Variants in PSMG1 observed in about 807,000 individuals in gnomAD.
The protein encoded by PSMG1 is proteasome assembly chaperone 1.
A neutral mutation model predicts 37.2 loss-of-function variants in PSMG1; 23 were observed. That is an observed-to-expected ratio of 0.62 (90% confidence interval 0.44 to 0.88). The LOEUF (loss-of-function observed/expected upper bound fraction) is 0.88. PSMG1 is among the 40% of genes least tolerant of loss of function. PSMG1 has a pLI of 0.00. For missense variants in PSMG1, 340 were observed against 344.2 expected, an observed-to-expected ratio of 0.99 and a Z score of 0.10; for synonymous variants, 127 against 128.0, an observed-to-expected ratio of 0.99 and a Z score of 0.05.
chr21:39,179,819 G>A, intron 4 of PSMG1, 105 bp downstream of exon 4: 1 of 963,486 alleles, frequency 1.0e-6, no homozygotes, highest in Non-Finnish European at 1.5e-6. Context: ...ATATTTTAAA[G>A]AAATAAATAT....
Position 39,175,553 on chromosome 21 carries a change from T to C in PSMG1, c.*37A>G, listed in dbSNP as rs1364735728. The C allele has an allele frequency of 8.3e-6, 13 of 1,573,184 alleles. No individual in the cohort carries two copies. Among genetic ancestry groups the C allele is most frequent in the African/African-American group, 1.4e-5 (1 of 73,492 alleles). On this transcript the variant is annotated 3_prime_UTR_variant, in exon 7 of 7. Transcript: ENST00000331573. The stretch of plus-strand genomic sequence containing the variant: ...GTGCAGGCTGCTCCCCTTAAAGGAA[T>C]GGACAAGTAATATACACTACAAAAC...
In PSMG1 at chr21:39,178,497, A is replaced by G. The variant is rs773155392; in HGVS notation, c.607T>C (p.Cys203Arg). ...ATATTCGGTTGTTCTAGCAATGGAC[A>G]ACACGCCGAGTCTTTGAAATTCTGT... ...KTQNFKDSAC[C>R]PLLEQPNIVH... The change falls in exon 5 of 7, where the codon TGT becomes CGT. Residue 203 changes from cysteine to arginine, a missense_variant. Transcript: ENST00000331573. 3 of 1,614,028 alleles carry G rather than the reference A, an allele frequency of 1.9e-6. No homozygotes were observed. The African/African-American group carries it at 4.0e-5, about 22-fold the overall frequency.
intron 3 of PSMG1, 120 bp downstream of exon 3, chr21:39,180,165 C>T (rs1253378205): frequency 2.3e-6 from 3 of 1,306,502 alleles, no homozygotes; most frequent in Non-Finnish European, 3.1e-6. Context: ...TGATTAGTAT[C>T]AGAAAAAGTG....
chr21:39,183,146 G>T (rs2030926965), intron 1 of PSMG1, 106 bp downstream of exon 1: 1 of 1,339,146 alleles, frequency 7.5e-7, no homozygotes, highest in Non-Finnish European at 9.7e-7. Flanking sequence ...AACCGCGGGG[G>T]CCACTCGGAA....
intron 2 of PSMG1, 47 bp from the exon 3 acceptor site, chr21:39,180,483 T>C (rs376781541): frequency 6.7e-7 from 1 of 1,494,504 alleles, no homozygotes; most frequent in Non-Finnish European, 8.9e-7. Flanking sequence ...CTGCAAGCTA[T>C]ATTTTCTATT....
At chr21:39,180,459 G>T in intron 2 of PSMG1, 23 bp from the exon 3 acceptor site, 1 of 1,555,864 alleles carries the variant, frequency 6.4e-7, no homozygotes, top group South Asian at 1.2e-5. Flanking sequence ...ATTCACATAA[G>T]TTAGTGTTTG....
chr21:39,177,384 T>A (rs73355902), intron 6 of PSMG1, 51 bp downstream of exon 6: 6 of 1,458,724 alleles, frequency 4.1e-6, no homozygotes, highest in Non-Finnish European at 5.5e-6. Context: ...TGTTTGTTAC[T>A]AAGCTGATTA....
rs3171465 is a variant in PSMG1 at position 39,180,381 on chromosome 21, A to G, written c.297T>C (p.Ala99=). The G allele has an allele frequency of 0.45, 728,557 of 1,605,890 alleles. 167,376 individuals carry two copies. The highest frequency in any genetic ancestry group is 0.56 in the Admixed American group (33,128 of 58,940). ...TTCTACACCATTCATTCCAGAGTTT[A>G]GCACAACCAACTTCCTCCCAGACTC... ...NSGVWEEVGC[A]KLWNEWCRTT... Residue 99 remains alanine (A), a synonymous_variant, in exon 3 of 7, where the codon GCT becomes GCC. Transcript: ENST00000331573.
Position 39,175,555 on chromosome 21 carries a change from G to T in PSMG1, c.*35C>A. ...GCAGGCTGCTCCCCTTAAAGGAATG[G>T]ACAAGTAATATACACTACAAAACAA... On this transcript the variant is annotated 3_prime_UTR_variant, in exon 7 of 7. Transcript: ENST00000331573. 1 of 1,574,916 alleles carries T rather than the reference G, an allele frequency of 6.3e-7. No individual in the cohort carries two copies. The highest frequency in any genetic ancestry group is 1.1e-5 in the South Asian group (1 of 88,246).
chr21:39,178,796 C>G, intron 4 of PSMG1, 149 bp from the exon 5 acceptor site: 1 of 729,512 alleles, frequency 1.4e-6, no homozygotes, highest in Non-Finnish European at 2.2e-6. Flanking sequence ...AACACACCTG[C>G]TGTCACAACC....
chr21:39,182,736 T>C (rs1346052293), intron 1 of PSMG1, among the ~76,000 whole-genome samples: 1 of 152,110 alleles, frequency 6.6e-6, no homozygotes, highest in Non-Finnish European at 1.5e-5. Context: ...CTTTTTTGTG[T>C]TTGGAAACAA....
rs746733243 is a variant in PSMG1, at chr21:39,179,949, T to C, written c.431A>G (p.Asp144Gly). Residue 144 changes from aspartate to glycine, a missense_variant, in exon 4 of 7, where the codon GAT (aspartate) becomes GGT (glycine). Coordinates refer to ENST00000331573, the MANE Select transcript of PSMG1 (RefSeq NM_003720.4). ...LCQCSCYVAE[D>G]QQYQWLEKVF... ...CTTTTCCAGCCACTGATACTGTTGA[T>C]CTTCTGCAACATAGCAACTGCACTG... The C allele has an allele frequency of 5.0e-6, 8 of 1,613,066 alleles. No individual in the cohort carries two copies. The highest frequency in any genetic ancestry group is 1.3e-5 in the African/African-American group (1 of 74,928).
Position 39,178,496 on chromosome 21 carries a change from C to A in PSMG1, c.608G>T (p.Cys203Phe). 1 of 1,614,068 alleles carries A rather than the reference C, an allele frequency of 6.2e-7. No homozygotes were observed. Among genetic ancestry groups the A allele is most frequent in the Non-Finnish European group, 8.5e-7 (1 of 1,180,002 alleles). Residue 203 changes from cysteine to phenylalanine, a missense_variant, in exon 5 of 7, where the codon TGT (cysteine) becomes TTT (phenylalanine). Coordinates refer to ENST00000331573, the MANE Select transcript of PSMG1 (RefSeq NM_003720.4). The stretch of plus-strand genomic sequence containing the variant: ...TATATTCGGTTGTTCTAGCAATGGA[C>A]AACACGCCGAGTCTTTGAAATTCTG... The part of the protein sequence containing the change: ...KTQNFKDSAC[C>F]PLLEQPNIVH...
In PSMG1 at chr21:39,183,377, G is replaced by A. The variant is rs2030949430; in HGVS notation, c.9C>T (p.Ala3=). MA[A]TFFGEVVKAP... is the part of the protein sequence containing the mutation. ...CCTTCACCACCTCTCCGAAGAACGTGGCCGCCATAGCCGCCCCGTGACCGG... is the reference window on the plus strand; with the variant it reads ...CCTTCACCACCTCTCCGAAGAACGTAGCCGCCATAGCCGCCCCGTGACCGG... Residue 3 remains alanine, a synonymous_variant, in exon 1 of 7, where the codon GCC becomes GCT. Coordinates refer to ENST00000331573, the MANE Select transcript of PSMG1 (RefSeq NM_003720.4). 1.3e-6 allele frequency: 2 copies of A among 1,574,876 alleles called. No homozygotes were observed. The highest frequency in any genetic ancestry group is 8.6e-7 in the Non-Finnish European group (1 of 1,164,932).
rs1196572869 is a variant in PSMG1 at position 39,181,803 on chromosome 21, C to T, written c.210G>A (p.Lys70=). 6.3e-7 allele frequency: 1 copy of T among 1,591,036 alleles called. No homozygotes were observed. Among genetic ancestry groups the T allele is most frequent in the East Asian group, 2.3e-5 (1 of 43,772 alleles). The change falls in exon 2 of 7, where the codon AAG becomes AAA. Residue 70 remains lysine (K), a synonymous_variant. Transcript: ENST00000331573. ...CATTATTTCCTATAGCAATTATAAA[C>T]TTGGAGCACGGATATTTTTCTAGCA... ...VSLLEKYPCS[K]FIIAIGNNAV...
rs376893449 is a variant in PSMG1 at position 39,181,745 on chromosome 21, G to A, written c.241+27C>T. On this transcript the variant is annotated intron_variant, in intron 2 of 6. Coordinates refer to ENST00000331573, the MANE Select transcript of PSMG1 (RefSeq NM_003720.4). ...GTATATTTCATTCTTTCAACAAAAT[G>A]ACTAAGTCTTCTGCATTTTCACTTA... is the stretch of plus-strand genomic sequence containing the variant. 10 of 1,408,960 alleles carry A rather than the reference G, an allele frequency of 7.1e-6. No individual in the cohort carries two copies. The East Asian group carries it at 1.5e-4, about 21-fold the overall frequency. The allele number at this position is 1,408,960 out of a possible 1,614,324, so 87.3% of individuals were successfully genotyped here.
chr21:39,177,357 A>T, intron 6 of PSMG1, 78 bp downstream of exon 6: 1 of 1,323,480 alleles, frequency 7.6e-7, no homozygotes. Context: ...AGGGTTTAAA[A>T]TGACAGTATA....
At position 39,180,278 on chromosome 21, in the gene PSMG1, C is replaced by T. The variant is rs971742347; in HGVS notation, c.393+7G>A. Reference sequence around the variant, plus strand: ...AACTGCTTTTCAAACATACAAGTCCCACCTACCGAGGGATTGGATTTTAGA... The same window carrying T: ...AACTGCTTTTCAAACATACAAGTCCTACCTACCGAGGGATTGGATTTTAGA... On this transcript the variant is annotated splice_region_variant and intron_variant, in intron 3 of 6. Coordinates refer to ENST00000331573, the MANE Select transcript of PSMG1 (RefSeq NM_003720.4). 1 of 1,588,712 alleles carries T rather than the reference C, an allele frequency of 6.3e-7. No individual in the cohort carries two copies. Among genetic ancestry groups the T allele is most frequent in the Admixed American group, 1.8e-5 (1 of 54,082 alleles).
intron 5 of PSMG1, among the ~76,000 whole-genome samples, 183 bp downstream of exon 5, chr21:39,178,266 T>A (rs2030696321): frequency 6.6e-6 from 1 of 152,168 alleles, no homozygotes; most frequent in African/African-American, 2.4e-5. Context: ...AATAACTGTG[T>A]CTGGAAAATC....
Sources: allele counts gnomAD v4.1 joint callset (sites outside exome capture counted in the v4.1 genomes callset), GRCh38; gene constraint gnomAD v4.1.1; transcripts MANE v1.5; gene names NCBI Gene and HGNC (gene_info 2026-07-23, HGNC 2026-07-21).